The following ADCY1 variants were observed in gnomAD, a reference collection of about 807,000 sequenced individuals.
ADCY1 encodes adenylate cyclase type 1.
In ADCY1, 28 loss-of-function variants were observed where a neutral mutation model predicts 105.4. The observed-to-expected ratio is 0.27, with a 90% CI of 0.20 to 0.36. The LOEUF is 0.36. Ranked by LOEUF, ADCY1 falls within the 10% of genes least tolerant of loss-of-function variation. ADCY1 has a pLI of 1.00. For synonymous variants in ADCY1, 655 were observed against 623.8 expected (o/e 1.05, Z -0.75); for missense variants, 977 against 1,434.2 (o/e 0.68, Z 5.15).
Position 45,703,790 on chromosome 7 carries a change from G to A in ADCY1, c.2718+44G>A, listed in dbSNP as rs145471419. The A allele has an allele frequency of 3.0e-3, 4,565 of 1,535,248 alleles. 9 individuals carry two copies. Among genetic ancestry groups the A allele is most frequent in the Non-Finnish European group, 3.4e-3 (3,840 of 1,138,742 alleles). ...ATCCTGACCCCGCCTGGTTGTGGTG[G>A]TGCATCCTGTTGCGTGGGCAGAGCG... On this transcript the variant is annotated intron_variant, in intron 16 of 19. Coordinates refer to ENST00000297323, the MANE Select transcript of ADCY1 (RefSeq NM_021116.4). The surrounding 1 kb of genome is among the most constrained non-coding windows in gnomAD (Gnocchi z 5.9).
intron 8 of ADCY1, among the ~76,000 whole-genome samples, chr7:45,670,166 A>C (rs1234668382): frequency 6.6e-6 from 1 of 152,150 alleles, no homozygotes; most frequent in African/African-American, 2.4e-5. Context: ...TGCATCCTCC[A>C]GGGTTCTTTT....
chr7:45,605,882 T>G (rs1196883152), intron 2 of ADCY1, among the ~76,000 whole-genome samples: 2 of 152,240 alleles, frequency 1.3e-5, no homozygotes, highest in Non-Finnish European at 2.9e-5. Flanking sequence ...TGATGAGTGA[T>G]GGTTCACTGG....
chr7:45,617,713 CAAT>C (rs1294938727), intron 3 of ADCY1, among the ~76,000 whole-genome samples: 1 of 152,112 alleles, frequency 6.6e-6, no homozygotes, highest in East Asian at 1.9e-4. Flanking sequence ...AACTATAAAA[CAAT>C]GATGAAAGAT....
chr7:45,641,076 G>A (rs1325328465), intron 4 of ADCY1, among the ~76,000 whole-genome samples: 2 of 152,118 alleles, frequency 1.3e-5, no homozygotes, highest in Non-Finnish European at 2.9e-5. Flanking sequence ...TTTCCAAAAG[G>A]GACTCATGGA....
intron 8 of ADCY1, among the ~76,000 whole-genome samples, chr7:45,676,908 G>A (rs1337827214): frequency 6.6e-6 from 1 of 151,112 alleles, no homozygotes; most frequent in Non-Finnish European, 1.5e-5. Flanking sequence ...TGTTTTGCTA[G>A]GTTGCCCCTT....
Position 45,598,352 on chromosome 7 carries a change from AG to A in ADCY1, c.789+5445del, listed in dbSNP as rs549973792. Among the ~76,000 whole-genome samples, 6 of 152,294 alleles carry A rather than the reference AG, an allele frequency of 3.9e-5. No individual in the cohort carries two copies. The South Asian group carries it at 1.2e-3, about 32-fold the overall frequency. ...GATGTTTTAGGCTTACAAATAACTGAGCTAAAATGCTCCAAAGGGGTGTGAA... is the reference window on the plus strand; with the variant it reads ...GATGTTTTAGGCTTACAAATAACTGACTAAAATGCTCCAAAGGGGTGTGAA... On this transcript the variant is annotated intron_variant, in intron 2 of 19. Coordinates refer to ENST00000297323, the MANE Select transcript of ADCY1 (RefSeq NM_021116.4).
chr7:45,678,399 T>C, intron 10 of ADCY1, 136 bp downstream of exon 10: 1 of 814,050 alleles, frequency 1.2e-6, no homozygotes, highest in Non-Finnish European at 2.0e-6. Context: ...ATTGTCCCAA[T>C]GTGCCCAACA....
At chr7:45,604,222 C>T (rs1793317923) in intron 2 of ADCY1, among the ~76,000 whole-genome samples, 1 of 152,116 alleles carries the variant, frequency 6.6e-6, no homozygotes, top group African/African-American at 2.4e-5. Context: ...AACTGCTGGG[C>T]TTTGAGAGTT....
intron 6 of ADCY1, among the ~76,000 whole-genome samples, chr7:45,659,284 G>A (rs1370580390): frequency 1.3e-5 from 2 of 152,224 alleles, no homozygotes; most frequent in Non-Finnish European, 2.9e-5. Flanking sequence ...CAGCCTTAGA[G>A]TTTAATTATG....
At chr7:45,596,699 G>A (rs1379933981) in intron 2 of ADCY1, among the ~76,000 whole-genome samples, 4 of 152,212 alleles carry the variant, frequency 2.6e-5, no homozygotes, top group Non-Finnish European at 4.4e-5. Flanking sequence ...CAGACTCCGA[G>A]CCTTACGCTC....
intron 8 of ADCY1, among the ~76,000 whole-genome samples, chr7:45,667,168 A>G (rs1784277906): frequency 6.6e-6 from 1 of 152,112 alleles, no homozygotes; most frequent in African/African-American, 2.4e-5. Context: ...TTGTGTTGCC[A>G]TTGCTTTTGG....
intron 5 of ADCY1, among the ~76,000 whole-genome samples, chr7:45,651,711 G>T (rs569596672): frequency 1.3e-5 from 2 of 152,270 alleles, no homozygotes; most frequent in African/African-American, 4.8e-5. Context: ...AAAGGAGCGG[G>T]CCATGCCCCA....
At chr7:45,606,282 G>A (rs998796624) in intron 2 of ADCY1, among the ~76,000 whole-genome samples, 3 of 152,082 alleles carry the variant, frequency 2.0e-5, no homozygotes, top group Admixed American at 6.5e-5. Flanking sequence ...GCCTGGGGTG[G>A]GGGTGGAGGT....
chr7:45,668,940 G>C (rs890133273), intron 8 of ADCY1, among the ~76,000 whole-genome samples: 1 of 152,182 alleles, frequency 6.6e-6, no homozygotes. Flanking sequence ...AGTATTCTGT[G>C]ATGGTAGTTT....
At chr7:45,696,034 A>C (rs1263000609) in intron 14 of ADCY1, among the ~76,000 whole-genome samples, 1 of 152,238 alleles carries the variant, frequency 6.6e-6, no homozygotes, top group Non-Finnish European at 1.5e-5. Flanking sequence ...CTTCTGCTTT[A>C]AGGCACCAGA....
At chr7:45,670,180 A>G (rs1451513665) in intron 8 of ADCY1, among the ~76,000 whole-genome samples, 2 of 152,156 alleles carry the variant, frequency 1.3e-5, no homozygotes, top group Non-Finnish European at 2.9e-5. Context: ...TTCTTTTGAC[A>G]TTGTAGGAGC....
rs762482601 is a variant in ADCY1 at position 45,722,079 on chromosome 7, C to A, written c.*8084C>A. 5.6e-6 allele frequency: 2 copies of A among 358,014 alleles called. No homozygotes were observed. The highest frequency in any genetic ancestry group is 1.0e-5 in the Non-Finnish European group (2 of 200,294). 22.2% of individuals were successfully genotyped at this position (358,014 alleles called of 1,614,324 possible). A position where few individuals can be genotyped will look rare whatever the true frequency, so the allele number is the denominator to read the frequency against. On this transcript the variant is annotated 3_prime_UTR_variant, in exon 20 of 20. Transcript: ENST00000297323. ...GCCAGAACTTGTTTCTCACCTCCCA[C>A]CAGCAACCCCCCACCCAACTCTGGG...
chr7:45,648,645 C>G (rs1794730950), intron 4 of ADCY1, 25 bp from the exon 5 acceptor site: 6 of 1,613,924 alleles, frequency 3.7e-6, no homozygotes, highest in Non-Finnish European at 5.1e-6. Context: ...CTGTCTCTTA[C>G]CATGTGCCTT....
At chr7:45,618,430 T>A (rs772281118) in intron 3 of ADCY1, among the ~76,000 whole-genome samples, 1 of 151,922 alleles carries the variant, frequency 6.6e-6, no homozygotes, top group Non-Finnish European at 1.5e-5. Flanking sequence ...ATCAACAGAG[T>A]GAATAGACAA....
Sources: allele counts gnomAD v4.1 joint callset (sites outside exome capture counted in the v4.1 genomes callset), GRCh38; gene constraint gnomAD v4.1.1; non-coding constraint Gnocchi (gnomAD v3.1); transcripts MANE v1.5; gene names NCBI Gene and HGNC (gene_info 2026-07-23, HGNC 2026-07-21).